The following LRPPRC variants were observed in gnomAD, a reference collection of about 807,000 sequenced individuals.
LRPPRC encodes leucine rich pentatricopeptide repeat containing.
A neutral mutation model predicts 180.3 loss-of-function variants in LRPPRC; 120 were observed. That is an observed-to-expected ratio of 0.67 (90% CI 0.57 to 0.77). The LOEUF (loss-of-function observed/expected upper bound fraction) is 0.77. Among genes scored for constraint, LRPPRC ranks in the 30% least tolerant of loss-of-function variants. LRPPRC has a pLI of 0.00. For missense variants in LRPPRC, 2,012 were observed against 1,657.2 expected, an observed-to-expected ratio of 1.21 and a Z score of -3.72; for synonymous variants, 723 against 600.0, an observed-to-expected ratio of 1.21 and a Z score of -3.00.
rs773530953 is a variant in LRPPRC, at chr2:43,945,427, A to G, written c.2211-10T>C. The G allele has an allele frequency of 2.6e-6, 4 of 1,528,102 alleles. No homozygotes were observed. In the Admixed American group the frequency reaches 5.0e-5, roughly 19 times the overall value. 94.7% of individuals were successfully genotyped at this position (1,528,102 alleles called of 1,614,324 possible). On this transcript the variant is annotated splice_polypyrimidine_tract_variant and intron_variant, in intron 21 of 37. Coordinates refer to ENST00000260665, the MANE Select transcript of LRPPRC (RefSeq NM_133259.4). Reference sequence around the variant, plus strand: ...TGAATCTAAGCGGTCACTAAAAATTAAAGCCACATTTATATTGTTTTAAAA... The same window carrying G: ...TGAATCTAAGCGGTCACTAAAAATTGAAGCCACATTTATATTGTTTTAAAA...
chr2:43,950,675 G>C (rs1672864710), intron 14 of LRPPRC, 75 bp from the exon 15 acceptor site: 1 of 952,528 alleles, frequency 1.0e-6, no homozygotes, highest in East Asian at 2.4e-5. Context: ...AATATGTACA[G>C]ATCAAAGTAT....
At chr2:43,990,125 G>A (rs750078103) in intron 1 of LRPPRC, among the ~76,000 whole-genome samples, 14 of 152,054 alleles carry the variant, frequency 9.2e-5, no homozygotes, top group Non-Finnish European at 2.1e-4. Flanking sequence ...AGGCTGAGGT[G>A]GGAGAATCGC....
At chr2:43,894,501 A>T in intron 36 of LRPPRC, 44 bp downstream of exon 36, 1 of 935,612 alleles carries the variant, frequency 1.1e-6, no homozygotes. Flanking sequence ...TTAAATAATA[A>T]AGCCATTTAA....
In LRPPRC at chr2:43,974,595, T is replaced by C. The variant is rs777860905; in HGVS notation, c.1009+19A>G. On this transcript the variant is annotated intron_variant, in intron 8 of 37. Transcript: ENST00000260665. ...CAGATTTTTATAAAAATCATGTAAA[T>C]AGATTTTTTTAAAACTACCTGGAAT... The C allele has an allele frequency of 5.4e-6, 8 of 1,469,136 alleles. No individual in the cohort carries two copies. In the African/African-American group the frequency reaches 7.0e-5, roughly 13 times the overall value. 91.0% of individuals were successfully genotyped at this position (1,469,136 alleles called of 1,614,324 possible). A position where few individuals can be genotyped will look rare whatever the true frequency, so the allele number is the denominator to read the frequency against.
chr2:43,946,027 G>A, intron 21 of LRPPRC, 86 bp downstream of exon 21: 2 of 1,340,904 alleles, frequency 1.5e-6, no homozygotes, highest in Non-Finnish European at 2.1e-6. Flanking sequence ...CATTATATAA[G>A]AGAGTAATAT....
chr2:43,973,875 C>G lies in LRPPRC; in HGVS notation c.1181G>C (p.Cys394Ser). The G allele has an allele frequency of 6.2e-7, 1 of 1,612,020 alleles. No homozygotes were observed. The highest frequency in any genetic ancestry group is 8.5e-7 in the Non-Finnish European group (1 of 1,178,246). ...NTPVEKLTDY[C>S]KKLKEVQMHS... ...CATCTGGACTTCCTTTAACTTCTTA[C>G]AGTAGTCTGTTAGCTTCTCCACAGG... Residue 394 changes from cysteine to serine, a missense_variant, in exon 10 of 38, where the codon TGT becomes TCT. By Grantham distance (112) the Cys-to-Ser change is moderately radical. Transcript: ENST00000260665.
chr2:43,926,350 A>G (rs1296335429), intron 25 of LRPPRC, among the ~76,000 whole-genome samples: 2 of 152,210 alleles, frequency 1.3e-5, no homozygotes, highest in Admixed American at 6.5e-5. Context: ...GAAAACGTCA[A>G]ATAAAAAGTG....
chr2:43,890,724 C>G (rs1670461407), intron 36 of LRPPRC, among the ~76,000 whole-genome samples: 1 of 152,134 alleles, frequency 6.6e-6, no homozygotes, highest in Non-Finnish European at 1.5e-5. Context: ...AAAAAACAAA[C>G]AAAAGCAAAA....
At chr2:43,893,143 G>A (rs1200226290) in intron 36 of LRPPRC, among the ~76,000 whole-genome samples, 3 of 152,214 alleles carry the variant, frequency 2.0e-5, no homozygotes, top group Admixed American at 2.0e-4. Context: ...TTAACATGAG[G>A]AGAAGCTGTT....
intron 34 of LRPPRC, among the ~76,000 whole-genome samples, chr2:43,897,657 G>C (rs1670733203): frequency 6.6e-6 from 1 of 152,066 alleles, no homozygotes; most frequent in South Asian, 2.1e-4. Flanking sequence ...AAAAGACTCT[G>C]CTGTTGCATC....
In LRPPRC at chr2:43,945,497, T is replaced by C. The variant is rs13022151; in HGVS notation, c.2211-80A>G. On this transcript the variant is annotated intron_variant, in intron 21 of 37. Transcript: ENST00000260665. ...AACAGCAACATCCATTTAATCACTT[T>C]TCAAAAGCTCATCAGAAGACCTGAA... 0.074 allele frequency: 62,653 copies of C among 847,686 alleles called. 2,875 individuals are homozygous for C. The highest frequency in any genetic ancestry group is 0.16 in the African/African-American group (9,731 of 60,198). The allele number at this position is 847,686 out of a possible 1,614,324, so 52.5% of individuals were successfully genotyped here.
At chr2:43,940,840 T>C (rs779976519) in intron 23 of LRPPRC, among the ~76,000 whole-genome samples, 1 of 152,196 alleles carries the variant, frequency 6.6e-6, no homozygotes, top group Non-Finnish European at 1.5e-5. Flanking sequence ...TTCCTTAATG[T>C]GACGGATTGC....
At chr2:43,892,102 G>A (rs927527717) in intron 36 of LRPPRC, among the ~76,000 whole-genome samples, 5 of 152,200 alleles carry the variant, frequency 3.3e-5, no homozygotes, top group African/African-American at 4.8e-5. Context: ...TCCATGACAC[G>A]AAAGTCCAAG....
intron 23 of LRPPRC, among the ~76,000 whole-genome samples, chr2:43,937,896 A>C (rs1672332017): frequency 6.6e-6 from 1 of 152,212 alleles, no homozygotes. Context: ...ACACATTACC[A>C]ATCAGTCTAC....
chr2:43,963,339 G>A (rs1248692350), intron 12 of LRPPRC, among the ~76,000 whole-genome samples: 2 of 152,222 alleles, frequency 1.3e-5, no homozygotes, highest in East Asian at 1.9e-4. Flanking sequence ...AGCTACTCGG[G>A]AGGCTGAGGC....
chr2:43,906,077 A>G (rs1227999968), intron 30 of LRPPRC, among the ~76,000 whole-genome samples: 5 of 152,206 alleles, frequency 3.3e-5, no homozygotes, highest in African/African-American at 1.2e-4. Flanking sequence ...GATGACTAAA[A>G]TAACTGCGTG....
At chr2:43,948,000 T>C (rs963241793) in intron 18 of LRPPRC, 122 bp downstream of exon 18, 37 of 729,624 alleles carry the variant, frequency 5.1e-5, no homozygotes, top group Non-Finnish European at 9.0e-5. Context: ...AGCTTCGTTT[T>C]AATGGCTGTC....
chr2:43,955,758 G>A (rs1673088170), intron 14 of LRPPRC, among the ~76,000 whole-genome samples: 1 of 152,060 alleles, frequency 6.6e-6, no homozygotes. Flanking sequence ...ACTCATTCTT[G>A]TGTGAACTAC....
chr2:43,985,759 T>G (rs1007375846), intron 1 of LRPPRC, among the ~76,000 whole-genome samples: 1 of 152,244 alleles, frequency 6.6e-6, no homozygotes, highest in African/African-American at 2.4e-5. Flanking sequence ...TGCTTCCAAT[T>G]TTTGACAATT....
Sources: gnomAD v4.1 joint callset for allele counts (sites outside exome capture counted in the v4.1 genomes callset) on GRCh38, gnomAD v4.1.1 for gene constraint, MANE v1.5 for transcripts, NCBI Gene and HGNC (gene_info 2026-07-23, HGNC 2026-07-21) for gene names.